Variants in IZUMO2 observed in about 807,000 individuals in gnomAD.
The protein encoded by IZUMO2 is IZUMO family member 2.
Under a neutral mutation model 31.2 loss-of-function variants are expected in IZUMO2, and 24 were observed. The observed-to-expected ratio is 0.77, with a 90% confidence interval of 0.56 to 1.08. IZUMO2 has a LOEUF of 1.08. IZUMO2 is among the 50% of genes least tolerant of loss of function. IZUMO2 has a pLI of 0.00. For synonymous variants in IZUMO2, 144 were observed against 117.3 expected (o/e 1.23, Z -1.47); for missense variants, 278 against 274.0 (o/e 1.01, Z -0.10).
intron 2 of IZUMO2, among the ~76,000 whole-genome samples, chr19:50,162,190 G>A (rs933433862): frequency 6.6e-6 from 1 of 152,166 alleles, no homozygotes; most frequent in Non-Finnish European, 1.5e-5. Context: ...GGCTGAGGCA[G>A]GAAAATCGCT....
Position 50,162,991 on chromosome 19 carries a change from G to A in IZUMO2, c.204C>T (p.Tyr68=). 1.9e-6 allele frequency: 3 copies of A among 1,612,210 alleles called. No homozygotes were observed. Among genetic ancestry groups the A allele is most frequent in the East Asian group, 2.2e-5 (1 of 44,842 alleles). The change falls in exon 1 of 7, where the codon TAC becomes TAT. Residue 68 remains tyrosine (Y), a synonymous_variant. Coordinates refer to ENST00000293405, the MANE Select transcript of IZUMO2 (RefSeq NM_152358.3). ...MGMEGPFFRD[Y]ALNVFVGKVE... ...CTTTCCCCACAAACACGTTCAGCGC[G>A]TAGTCCCGGAAGAAAGGCCCCTCCA...
chr19:50,161,224 A>C (rs1193024008), intron 2 of IZUMO2, among the ~76,000 whole-genome samples: 1 of 150,778 alleles, frequency 6.6e-6, no homozygotes, highest in Non-Finnish European at 1.5e-5. Context: ...TCCTGGGTTC[A>C]AGCAATTCTC....
intron 2 of IZUMO2, among the ~76,000 whole-genome samples, chr19:50,161,852 G>T (rs912764108): frequency 6.6e-6 from 1 of 151,808 alleles, no homozygotes; most frequent in Non-Finnish European, 1.5e-5. Flanking sequence ...ATATTTTATC[G>T]GGCAATAAAG....
At chr19:50,159,704 G>C in intron 2 of IZUMO2, 124 bp from the exon 3 acceptor site, 1 of 646,968 alleles carries the variant, frequency 1.5e-6, no homozygotes, top group African/African-American at 1.8e-5. Flanking sequence ...CCAAGACCAG[G>C]ATTACTAAGG....
At chr19:50,155,060 G>A (rs1418605415) in intron 5 of IZUMO2, among the ~76,000 whole-genome samples, 1 of 152,144 alleles carries the variant, frequency 6.6e-6, no homozygotes, top group African/African-American at 2.4e-5. Context: ...TCATTTGATG[G>A]GATGGGGTGG....
At position 50,163,182 on chromosome 19, in the gene IZUMO2, A is replaced by G; in HGVS notation, c.13T>C (p.Leu5=). Residue 5 remains leucine (L), a synonymous_variant, in exon 1 of 7, where the codon TTG becomes CTG. Coordinates refer to ENST00000293405, the MANE Select transcript of IZUMO2 (RefSeq NM_152358.3). The part of the protein sequence containing the change: MPLA[L]TLLLLSGLGA... The stretch of plus-strand genomic sequence containing the variant: ...AAGCCCGAGAGCAGCAGAAGGGTCA[A>G]AGCCAGAGGCATGGCGGGGCCTTTG... 1 of 1,550,990 alleles carries G rather than the reference A, an allele frequency of 6.4e-7. No homozygotes were observed. Among genetic ancestry groups the G allele is most frequent in the Non-Finnish European group, 8.7e-7 (1 of 1,148,020 alleles).
intron 6 of IZUMO2, among the ~76,000 whole-genome samples, chr19:50,154,019 G>A (rs1331887125): frequency 7.1e-6 from 1 of 140,728 alleles, no homozygotes; most frequent in Non-Finnish European, 1.5e-5. Flanking sequence ...GGGGGGGAGG[G>A]GGAGGGCACA....
At chr19:50,162,695 AAAG>A (rs958529612) in intron 2 of IZUMO2, 41 bp downstream of exon 2, 4 of 1,498,624 alleles carry the variant, frequency 2.7e-6, no homozygotes, top group Non-Finnish European at 3.7e-6. Context: ...AGACCGGCGG[AAAG>A]AAGAGGGGTG....
intron 2 of IZUMO2, among the ~76,000 whole-genome samples, chr19:50,161,439 T>A (rs2123064216): frequency 6.6e-6 from 1 of 152,252 alleles, no homozygotes; most frequent in African/African-American, 2.4e-5. Context: ...TTCTTTTTTT[T>A]ATATCCCTGT....
intron 2 of IZUMO2, among the ~76,000 whole-genome samples, chr19:50,161,341 T>G (rs1382995539): frequency 4.6e-5 from 7 of 151,956 alleles, no homozygotes; most frequent in African/African-American, 1.5e-4. Context: ...AGGCTGGTCT[T>G]GAACTCCCAA....
chr19:50,162,763 G>C lies in IZUMO2; in HGVS notation c.283C>G (p.His95Asp). The C allele has an allele frequency of 6.2e-7, 1 of 1,614,002 alleles. No homozygotes were observed. The highest frequency in any genetic ancestry group is 8.5e-7 in the Non-Finnish European group (1 of 1,179,972). The change falls in exon 2 of 7, where the codon CAC (histidine) becomes GAC (aspartate). Residue 95 changes from histidine (H) to aspartate (D), a missense_variant. His to Asp is a moderately conservative substitution (Grantham distance 81). Transcript: ENST00000293405. The stretch of plus-strand genomic sequence containing the variant: ...CCTTTCAGAGAGTTACCCATTAAGT[G>C]CTGCGTTTGGTTCTTGACAAAGGAC... ...VASFVKNQTQ[H>D]LMGNSLKDEP...
At chr19:50,158,372 T>A in intron 4 of IZUMO2, 24 bp from the exon 5 acceptor site, 1 of 1,507,780 alleles carries the variant, frequency 6.6e-7, no homozygotes, top group Non-Finnish European at 9.2e-7. Flanking sequence ...AAGGGAGAAG[T>A]AAGACAAGGG....
chr19:50,161,125 T>C (rs979662147), intron 2 of IZUMO2, among the ~76,000 whole-genome samples: 7 of 147,156 alleles, frequency 4.8e-5, no homozygotes, highest in Non-Finnish European at 7.5e-5. Context: ...TTTTCCTTTT[T>C]CTTTTTTTTT....
chr19:50,161,907 C>A lies in IZUMO2; in HGVS notation c.307+832G>T, dbSNP rs570497067. ...GGTTGTCCCAATCCTGCACATCCCC[C>A]GCTCCCCCCCAAAAAAATTTGGCTC... On this transcript the variant is annotated intron_variant, in intron 2 of 6. Transcript: ENST00000293405. Among the ~76,000 whole-genome samples the A allele has an allele frequency of 5.3e-5, 8 of 152,284 alleles. No individual in the cohort carries two copies. In the East Asian group the frequency reaches 9.6e-4, roughly 18 times the overall value.
chr19:50,154,264 GTTTTTTTTTTT>G (rs71180675), intron 6 of IZUMO2, among the ~76,000 whole-genome samples: 2 of 79,280 alleles, frequency 2.5e-5, no homozygotes, highest in Non-Finnish European at 5.0e-5. Context: ...AACTTTTAGC[GTTTTTTTTTTT>G]TTTTTTTTTT....
rs561539852 is a variant in IZUMO2, at chr19:50,158,253, C to G, written c.496+15G>C. 6.4e-7 allele frequency: 1 copy of G among 1,574,252 alleles called. No individual in the cohort carries two copies. The highest frequency in any genetic ancestry group is 1.4e-5 in the African/African-American group (1 of 73,844). ...CACGCCTGTCCCATGTCTTCCCCCA[C>G]CCCCAGAAGCTTACCAAAGCAGTAC... is the stretch of plus-strand genomic sequence containing the variant. On this transcript the variant is annotated intron_variant, in intron 5 of 6. Coordinates refer to ENST00000293405, the MANE Select transcript of IZUMO2 (RefSeq NM_152358.3).
chr19:50,158,480 C>G, intron 4 of IZUMO2, 132 bp from the exon 5 acceptor site: 2 of 532,426 alleles, frequency 3.8e-6, no homozygotes, highest in East Asian at 6.0e-5. Context: ...CACTGCCCAG[C>G]AGAGGAACTA....
intron 2 of IZUMO2, 126 bp downstream of exon 2, chr19:50,162,613 T>C: frequency 1.3e-6 from 1 of 799,974 alleles, no homozygotes; most frequent in Non-Finnish European, 2.0e-6. Context: ...GCTCTGTCTC[T>C]TAAAAAAGAA....
intron 5 of IZUMO2, 64 bp from the exon 6 acceptor site, chr19:50,154,790 C>A: frequency 6.3e-7 from 1 of 1,580,072 alleles, no homozygotes. Context: ...CCCATACCCA[C>A]CCCACCTGTT....
Sources: allele counts gnomAD v4.1 joint callset (sites outside exome capture counted in the v4.1 genomes callset), GRCh38; gene constraint gnomAD v4.1.1; transcripts MANE v1.5; gene names NCBI Gene and HGNC (gene_info 2026-07-23, HGNC 2026-07-21).